The following FSTL4 variants were observed in gnomAD, a reference collection of about 807,000 sequenced individuals.
FSTL4 encodes the protein follistatin-related protein 4.
In FSTL4, 28 loss-of-function variants were observed where a neutral mutation model predicts 78.2. The ratio of observed to expected loss-of-function variants is 0.36; its 90% CI spans 0.27 to 0.49. FSTL4 has a LOEUF of 0.49. FSTL4 is among the 20% of genes least tolerant of loss of function. The pLI is 0.98. For missense variants in FSTL4, 922 were observed against 1,084.9 expected (o/e 0.85, Z 2.11); for synonymous variants, 422 against 440.5 (o/e 0.96, Z 0.53).
the FSTL4 span, among the ~76,000 whole-genome samples, chr5:133,684,900 T>C: frequency 1.3e-5 from 2 of 152,258 alleles, no homozygotes; most frequent in Non-Finnish European, 2.9e-5. Flanking sequence ...TTAGGCATCC[T>C]GCTTCTTTCC....
intron 3 of FSTL4, among the ~76,000 whole-genome samples, chr5:133,476,783 C>G (rs1757933892): frequency 6.6e-6 from 1 of 152,208 alleles, no homozygotes; most frequent in Non-Finnish European, 1.5e-5. Flanking sequence ...TGTCCTTTCT[C>G]TGTAGAGTGG....
At chr5:133,663,959 G>A in the FSTL4 span, among the ~76,000 whole-genome samples, 4 of 152,294 alleles carry the variant, frequency 2.6e-5, no homozygotes, top group East Asian at 5.8e-4. Flanking sequence ...TATGGGTGGG[G>A]GGATGTACCC....
chr5:133,610,514 T>C (rs956794633), intron 1 of FSTL4, among the ~76,000 whole-genome samples: 1 of 152,350 alleles, frequency 6.6e-6, no homozygotes, highest in Middle Eastern at 3.4e-3. Context: ...CTAGTGATGC[T>C]GCAGTGCCTC....
At chr5:133,837,916 C>A in the FSTL4 span, among the ~76,000 whole-genome samples, 2 of 152,008 alleles carry the variant, frequency 1.3e-5, no homozygotes, top group African/African-American at 2.4e-5. Flanking sequence ...AGGACAGAGT[C>A]TTGCTCTGTC....
At chr5:133,292,784 T>C (rs972578065) in intron 6 of FSTL4, among the ~76,000 whole-genome samples, 4 of 152,238 alleles carry the variant, frequency 2.6e-5, no homozygotes, top group African/African-American at 9.6e-5. Flanking sequence ...ACTGACTCTT[T>C]ACAGCAACTC....
chr5:133,650,176 G>A, the FSTL4 span, among the ~76,000 whole-genome samples: 4 of 151,448 alleles, frequency 2.6e-5, no homozygotes, highest in African/African-American at 9.7e-5. Flanking sequence ...CCCCAAGAGA[G>A]GGCATTAATC....
chr5:133,354,094 C>G (rs901229441), intron 4 of FSTL4, among the ~76,000 whole-genome samples: 2 of 152,124 alleles, frequency 1.3e-5, no homozygotes, highest in Admixed American at 1.3e-4. Context: ...GTCACTTATC[C>G]TCCCAGAACC....
At chr5:133,500,013 G>A (rs1311394808) in intron 3 of FSTL4, among the ~76,000 whole-genome samples, 2 of 152,170 alleles carry the variant, frequency 1.3e-5, no homozygotes, top group South Asian at 2.1e-4. Context: ...GAAAAGGCTG[G>A]GGATGTATAG....
At chr5:133,208,214 T>C (rs1211018628) in intron 14 of FSTL4, 2 of 152,270 alleles carry the variant, frequency 1.3e-5, no homozygotes, top group African/African-American at 4.8e-5. Context: ...CCATGAGTGA[T>C]GGGCTCCCTG....
the FSTL4 span, among the ~76,000 whole-genome samples, chr5:133,769,324 AAGG>A: frequency 6.6e-6 from 1 of 152,178 alleles, no homozygotes; most frequent in South Asian, 2.1e-4. Context: ...AATCATTTAT[AAGG>A]AGAAGTGACA....
chr5:133,392,689 T>C (rs1420753708), intron 4 of FSTL4, among the ~76,000 whole-genome samples: 1 of 150,926 alleles, frequency 6.6e-6, no homozygotes, highest in African/African-American at 2.5e-5. Flanking sequence ...CTTGCTCCTC[T>C]GGGCTTTAGG....
intron 5 of FSTL4, among the ~76,000 whole-genome samples, chr5:133,313,979 C>A (rs1048588403): frequency 3.9e-5 from 6 of 152,190 alleles, no homozygotes; most frequent in African/African-American, 1.4e-4. Context: ...AAGAGGAAAT[C>A]ATTGTCCAAT....
intron 6 of FSTL4, among the ~76,000 whole-genome samples, chr5:133,272,436 G>A (rs1236984942): frequency 2.0e-5 from 3 of 152,212 alleles, no homozygotes; most frequent in African/African-American, 7.2e-5. Flanking sequence ...GTGCAGCGCC[G>A]TGACGTGCAT....
intron 4 of FSTL4, among the ~76,000 whole-genome samples, chr5:133,363,228 T>C (rs569794637): frequency 8.5e-5 from 13 of 152,254 alleles, no homozygotes; most frequent in Middle Eastern, 6.8e-3. Context: ...TGGTTAAGCA[T>C]GTGGTGGGGG....
At chr5:133,235,499 C>CAA (rs71581361) in intron 7 of FSTL4, among the ~76,000 whole-genome samples, 28,712 of 97,164 alleles carry the variant, frequency 0.3, 4,192 homozygotes, top group Non-Finnish European at 0.37. Context: ...ACCCCACCTC[C>CAA]AAAAAAAAAA....
intron 7 of FSTL4, among the ~76,000 whole-genome samples, chr5:133,240,668 C>A (rs1005161376): frequency 6.6e-6 from 1 of 152,092 alleles, no homozygotes; most frequent in Non-Finnish European, 1.5e-5. Flanking sequence ...TATCTCTTAG[C>A]GCATGACTCA....
upstream of FSTL4, among the ~76,000 whole-genome samples, chr5:133,615,014 C>G (rs908880981): frequency 1.3e-5 from 2 of 152,202 alleles, no homozygotes; most frequent in Non-Finnish European, 2.9e-5. Flanking sequence ...TGAAAAACTA[C>G]TGCCAAATGA....
At chr5:133,677,349 AG>A in the FSTL4 span, among the ~76,000 whole-genome samples, 1 of 152,312 alleles carries the variant, frequency 6.6e-6, no homozygotes, top group East Asian at 1.9e-4. Flanking sequence ...TCCATGGTTT[AG>A]CCCCTGCATG....
At chr5:133,715,015 A>T in the FSTL4 span, among the ~76,000 whole-genome samples, 1 of 152,242 alleles carries the variant, frequency 6.6e-6, no homozygotes, top group Non-Finnish European at 1.5e-5. Context: ...TTCCTGGTTC[A>T]GCCACCTTCG....
Sources: gnomAD v4.1 joint callset for allele counts (sites outside exome capture counted in the v4.1 genomes callset) on GRCh38, gnomAD v4.1.1 for gene constraint, MANE v1.5 for transcripts, NCBI Gene and HGNC (gene_info 2026-07-23, HGNC 2026-07-21) for gene names.